The following SPOCK1 variants were observed in gnomAD, a reference collection of about 807,000 sequenced individuals.
SPOCK1 encodes the protein SPARC (osteonectin), cwcv and kazal like domains proteoglycan 1.
In SPOCK1, 23 loss-of-function variants were observed where a neutral mutation model predicts 55.3. The ratio of observed to expected loss-of-function variants is 0.42; its 90% CI spans 0.30 to 0.59. The LOEUF is 0.59. SPOCK1 is among the 20% of genes least tolerant of loss of function. The pLI, the probability that SPOCK1 is intolerant of heterozygous loss-of-function variation, is 0.22. For missense variants in SPOCK1, 499 were observed against 552.5 expected (o/e 0.90, Z 0.97); for synonymous variants, 226 against 221.0 (o/e 1.02, Z -0.20).
At chr5:137,483,274 A>T (rs1753986680) in intron 2 of SPOCK1, among the ~76,000 whole-genome samples, 1 of 152,230 alleles carries the variant, frequency 6.6e-6, no homozygotes, top group South Asian at 2.1e-4. Context: ...CGGAGGTTGC[A>T]GTGAGCCAAG....
intron 2 of SPOCK1, among the ~76,000 whole-genome samples, chr5:137,284,958 G>A (rs1011313984): frequency 2.0e-5 from 3 of 152,152 alleles, no homozygotes; most frequent in Non-Finnish European, 4.4e-5. Flanking sequence ...CAGAAGTCTC[G>A]CTCATACAGC....
intron 3 of SPOCK1, among the ~76,000 whole-genome samples, chr5:137,219,303 T>C (rs930926830): frequency 6.6e-6 from 1 of 152,212 alleles, no homozygotes; most frequent in Non-Finnish European, 1.5e-5. Flanking sequence ...TCATTAAATG[T>C]TAACTCTTCC....
chr5:137,306,070 T>C (rs1757696615), intron 2 of SPOCK1, among the ~76,000 whole-genome samples: 1 of 152,188 alleles, frequency 6.6e-6, no homozygotes, highest in South Asian at 2.1e-4. Context: ...GAATTACTGC[T>C]AGTCACCATG....
chr5:137,044,417 T>C (rs1752065549), intron 6 of SPOCK1, among the ~76,000 whole-genome samples: 1 of 152,154 alleles, frequency 6.6e-6, no homozygotes. Context: ...GAAAATAGAA[T>C]GAAGTACTTA....
chr5:137,043,186 C>A (rs1172556022), intron 6 of SPOCK1, among the ~76,000 whole-genome samples: 1 of 152,116 alleles, frequency 6.6e-6, no homozygotes, highest in Non-Finnish European at 1.5e-5. Flanking sequence ...TGCCAAATGA[C>A]CAAAGCTGGA....
chr5:137,056,047 G>T (rs1462660889), intron 6 of SPOCK1, among the ~76,000 whole-genome samples: 1 of 152,194 alleles, frequency 6.6e-6, no homozygotes, highest in Non-Finnish European at 1.5e-5. Context: ...AAAACAGTAA[G>T]ACCCTATACA....
intron 3 of SPOCK1, among the ~76,000 whole-genome samples, chr5:137,226,399 C>T (rs962354980): frequency 2.6e-5 from 4 of 152,230 alleles, no homozygotes; most frequent in Non-Finnish European, 5.9e-5. Context: ...GGTGAAGCAT[C>T]ATGCTGCAAA....
chr5:137,280,851 C>T (rs1313036891), intron 2 of SPOCK1, among the ~76,000 whole-genome samples: 2 of 152,282 alleles, frequency 1.3e-5, no homozygotes, highest in Non-Finnish European at 2.9e-5. Flanking sequence ...AACACAGCCC[C>T]GGTGCACCAA....
intron 2 of SPOCK1, among the ~76,000 whole-genome samples, chr5:137,488,412 A>C (rs1405828647): frequency 6.6e-6 from 1 of 152,188 alleles, no homozygotes; most frequent in Non-Finnish European, 1.5e-5. Context: ...GCTCATTTAA[A>C]ATGCAGGTTC....
chr5:137,128,153 A>G (rs1753811172), intron 4 of SPOCK1, among the ~76,000 whole-genome samples: 2 of 152,234 alleles, frequency 1.3e-5, no homozygotes, highest in Non-Finnish European at 1.5e-5. Flanking sequence ...TGCTTCTGCC[A>G]TGTGAAAACA....
intron 6 of SPOCK1, among the ~76,000 whole-genome samples, chr5:137,029,721 A>G (rs1415377418): frequency 6.6e-6 from 1 of 152,216 alleles, no homozygotes; most frequent in Non-Finnish European, 1.5e-5. Flanking sequence ...AGGGCTAGGT[A>G]TGGTGGCTCA....
At chr5:137,089,759 A>G (rs1025216240) in intron 5 of SPOCK1, among the ~76,000 whole-genome samples, 10 of 152,266 alleles carry the variant, frequency 6.6e-5, no homozygotes, top group African/African-American at 9.6e-5. Context: ...ACTGATTTTG[A>G]GTAACAAAAT....
rs375815802 is a variant in SPOCK1 at position 137,075,253 on chromosome 5, G to A, written c.475-7424C>T. Among the ~76,000 whole-genome samples, 165 of 152,276 alleles carry A rather than the reference G, an allele frequency of 1.1e-3. 3 individuals carry two copies. The highest frequency in any genetic ancestry group is 3.9e-3 in the African/African-American group (161 of 41,526). ...AAGAAAATTTAACTTGCTTTGCCCA[G>A]TGGTGCTAGGAGAACTCTTCCCAGA... On this transcript the variant is annotated intron_variant, in intron 5 of 10. Transcript: ENST00000394945.
At chr5:137,228,040 C>T (rs1401448503) in intron 3 of SPOCK1, among the ~76,000 whole-genome samples, 1 of 152,218 alleles carries the variant, frequency 6.6e-6, no homozygotes, top group Non-Finnish European at 1.5e-5. Flanking sequence ...GTTTTCTTTT[C>T]TTTGCATTTT....
At position 137,398,029 on chromosome 5, in the gene SPOCK1, C is replaced by T. The variant is rs547334744; in HGVS notation, c.186+100344G>A. Among the ~76,000 whole-genome samples the T allele has an allele frequency of 4.6e-5, 7 of 152,242 alleles. No individual in the cohort carries two copies. The South Asian group carries it at 8.3e-4, about 18-fold the overall frequency. ...GGATGGCGATGGTAGGGTCAATCCT[C>T]GGTAGCCTGGAGAGACTACCCAGGA... On this transcript the variant is annotated intron_variant, in intron 2 of 10. Transcript: ENST00000394945.
At chr5:137,030,179 G>A (rs1751752712) in intron 6 of SPOCK1, among the ~76,000 whole-genome samples, 1 of 152,226 alleles carries the variant, frequency 6.6e-6, no homozygotes, top group Non-Finnish European at 1.5e-5. Flanking sequence ...TATATACCGG[G>A]TAGAGTGATG....
intron 3 of SPOCK1, among the ~76,000 whole-genome samples, chr5:137,163,961 A>C (rs1754604456): frequency 6.6e-6 from 1 of 152,208 alleles, no homozygotes; most frequent in Non-Finnish European, 1.5e-5. Context: ...TTGTTAGCAG[A>C]CCACATATTT....
Position 136,999,102 on chromosome 5 carries a change from G to C in SPOCK1, c.590-6502C>G, listed in dbSNP as rs538911021. Among the ~76,000 whole-genome samples, 15 of 152,282 alleles carry C rather than the reference G, an allele frequency of 9.9e-5. No individual in the cohort carries two copies. In the South Asian group the frequency reaches 3.1e-3, roughly 32 times the overall value. On this transcript the variant is annotated intron_variant, in intron 6 of 10. Transcript: ENST00000394945. The stretch of plus-strand genomic sequence containing the variant: ...TAGGGCTTTAAGCTAGACTGGATTT[G>C]AATGCAGACAGTGTTCAAACATAGC...
At chr5:137,023,579 C>T (rs1751613429) in intron 6 of SPOCK1, among the ~76,000 whole-genome samples, 1 of 152,096 alleles carries the variant, frequency 6.6e-6, no homozygotes, top group Non-Finnish European at 1.5e-5. Flanking sequence ...ACTTATATAC[C>T]AGACTGGGGC....
Sources: gnomAD v4.1 joint callset for allele counts (sites outside exome capture counted in the v4.1 genomes callset) on GRCh38, gnomAD v4.1.1 for gene constraint, MANE v1.5 for transcripts, NCBI Gene and HGNC (gene_info 2026-07-23, HGNC 2026-07-21) for gene names.